ANKS1B: variants seen among roughly 807,000 people sequenced by gnomAD.
ANKS1B encodes the protein ankyrin repeat and sterile alpha motif domain containing 1B.
Under a neutral mutation model 148.3 loss-of-function variants are expected in ANKS1B, and 36 were observed. The ratio of observed to expected loss-of-function variants is 0.24; its 90% confidence interval spans 0.19 to 0.32. ANKS1B has a LOEUF of 0.32. Ranked by LOEUF, ANKS1B falls within the 10% of genes least tolerant of loss-of-function variation. The pLI, the probability that ANKS1B is intolerant of heterozygous loss-of-function variation, is 1.00. For missense variants in ANKS1B, 1,157 were observed against 1,542.6 expected (o/e 0.75, Z 4.19); for synonymous variants, 542 against 560.8 (o/e 0.97, Z 0.47).
At chr12:99,848,445 G>A (rs2087083875) in intron 1 of ANKS1B, among the ~76,000 whole-genome samples, 1 of 152,128 alleles carries the variant, frequency 6.6e-6, no homozygotes, top group African/African-American at 2.4e-5. Context: ...CAAGTGGACA[G>A]GACCAACAAA....
chr12:99,026,833 T>A (rs1291477164), intron 17 of ANKS1B, among the ~76,000 whole-genome samples: 1 of 151,832 alleles, frequency 6.6e-6, no homozygotes, highest in African/African-American at 2.4e-5. Flanking sequence ...GAGGGATGAA[T>A]TTGCATAACA....
chr12:98,884,854 A>C (rs2099735658), intron 17 of ANKS1B, among the ~76,000 whole-genome samples: 1 of 151,594 alleles, frequency 6.6e-6, no homozygotes, highest in African/African-American at 2.4e-5. Context: ...AGTCTCTCAG[A>C]TGTGTATCTA....
At chr12:98,787,313 C>T (rs1011508218) in intron 22 of ANKS1B, among the ~76,000 whole-genome samples, 2 of 152,198 alleles carry the variant, frequency 1.3e-5, no homozygotes, top group African/African-American at 4.8e-5. Flanking sequence ...GTCTCCCAGG[C>T]TGACAGGATG....
chr12:99,239,319 T>G (rs2088736994), intron 14 of ANKS1B, among the ~76,000 whole-genome samples: 1 of 152,046 alleles, frequency 6.6e-6, no homozygotes. Context: ...AGGATAACAG[T>G]GATGGAAGAT....
chr12:99,312,110 A>C (rs560693275), intron 12 of ANKS1B, among the ~76,000 whole-genome samples: 3 of 152,302 alleles, frequency 2.0e-5, no homozygotes, highest in South Asian at 4.1e-4. Flanking sequence ...GCAGAAAGCT[A>C]TCTAGGTTAA....
intron 17 of ANKS1B, among the ~76,000 whole-genome samples, chr12:98,935,148 ATTTC>A (rs2099817332): frequency 6.6e-6 from 1 of 151,962 alleles, no homozygotes; most frequent in Non-Finnish European, 1.5e-5. Flanking sequence ...TGTTGAAGTA[ATTTC>A]TTTCTGTTTC....
chr12:99,749,009 T>C (rs1478454929), intron 8 of ANKS1B, among the ~76,000 whole-genome samples: 2 of 152,112 alleles, frequency 1.3e-5, no homozygotes, highest in Non-Finnish European at 2.9e-5. Context: ...CTAAGCTCCC[T>C]CCATCAGCAA....
At chr12:99,925,432 A>T (rs997597301) in intron 1 of ANKS1B, among the ~76,000 whole-genome samples, 34 of 152,348 alleles carry the variant, frequency 2.2e-4, no homozygotes, top group African/African-American at 8.2e-4. Flanking sequence ...AGAATAAAAA[A>T]GTCTCCCTGA....
intron 15 of ANKS1B, among the ~76,000 whole-genome samples, chr12:99,117,297 C>T (rs2061644790): frequency 6.6e-6 from 1 of 152,148 alleles, no homozygotes; most frequent in Non-Finnish European, 1.5e-5. Context: ...GGGAATGCTT[C>T]CAGTTTTTGC....
intron 17 of ANKS1B, among the ~76,000 whole-genome samples, chr12:98,844,158 G>A (rs777034942): frequency 6.6e-6 from 1 of 152,072 alleles, no homozygotes; most frequent in Non-Finnish European, 1.5e-5. Flanking sequence ...GTTGGTACTG[G>A]CATTTACTCT....
In ANKS1B at chr12:99,455,733, CAA is replaced by C. The variant is rs149827725; in HGVS notation, c.1439-11926_1439-11925del. The stretch of plus-strand genomic sequence containing the variant: ...TATAACTCCATTGGCCTGGGAACTG[CAA>C]CCCCACCCCCAACAGTAGCCACAGC... On this transcript the variant is annotated intron_variant, in intron 10 of 26. Transcript: ENST00000683438. Among the ~76,000 whole-genome samples, 436 of 152,178 alleles carry C rather than the reference CAA, an allele frequency of 2.9e-3. 4 individuals are homozygous for C. The highest frequency in any genetic ancestry group is 0.01 in the African/African-American group (423 of 41,508).
chr12:99,160,177 C>CT (rs2076501366), intron 14 of ANKS1B, among the ~76,000 whole-genome samples: 1 of 152,100 alleles, frequency 6.6e-6, no homozygotes, highest in Non-Finnish European at 1.5e-5. Flanking sequence ...TGTAGGTTAT[C>CT]TTTTTACTCT....
intron 1 of ANKS1B, among the ~76,000 whole-genome samples, chr12:99,876,497 C>T (rs1020867818): frequency 5.9e-5 from 9 of 151,854 alleles, no homozygotes; most frequent in African/African-American, 2.2e-4. Flanking sequence ...CCGAGGCAGG[C>T]GTATCATTTG....
intron 9 of ANKS1B, among the ~76,000 whole-genome samples, chr12:99,603,806 T>A (rs1022096457): frequency 6.6e-6 from 1 of 152,116 alleles, no homozygotes; most frequent in Non-Finnish European, 1.5e-5. Context: ...CAGAAAACTT[T>A]CAAATAAAAA....
intron 1 of ANKS1B, among the ~76,000 whole-genome samples, chr12:99,959,855 T>C (rs998366789): frequency 1.3e-5 from 2 of 152,158 alleles, no homozygotes; most frequent in African/African-American, 4.8e-5. Flanking sequence ...TATAAAGGAC[T>C]AAAAGTCAAT....
At chr12:99,761,342 T>C (rs1043405170) in intron 8 of ANKS1B, among the ~76,000 whole-genome samples, 8 of 151,554 alleles carry the variant, frequency 5.3e-5, no homozygotes, top group Non-Finnish European at 8.9e-5. Context: ...CATCAAAAAC[T>C]TACGACGATG....
chr12:99,840,206 T>A (rs1443003641), intron 1 of ANKS1B, among the ~76,000 whole-genome samples: 1 of 152,102 alleles, frequency 6.6e-6, no homozygotes, highest in Non-Finnish European at 1.5e-5. Flanking sequence ...AGGAAGCCTC[T>A]GGGATAATAG....
rs1403544167 is a variant in ANKS1B at position 99,246,418 on chromosome 12, C to T, written c.2203G>A (p.Val735Ile). Residue 735 changes from valine to isoleucine, a missense_variant, in exon 13 of 27, where the codon GTC becomes ATC. Val to Ile is a conservative substitution (Grantham distance 29). This residue lies in a region of ANKS1B where 661 missense variants were observed against 642.1 expected (regional missense o/e 1.03). Coordinates refer to ENST00000683438, the MANE Select transcript of ANKS1B (RefSeq NM_001352186.2). Reference protein sequence around the residue: ...ALIDMHLSKSVSKSDSDLIAY... With the variant: ...ALIDMHLSKSISKSDSDLIAY... ...ATGAGATCAGAATCAGATTTAGAGA[C>T]ACTTTTTGACAAATGCATGTCGATC... is the stretch of plus-strand genomic sequence containing the variant. The T allele has an allele frequency of 1.9e-6, 3 of 1,613,910 alleles. No individual in the cohort carries two copies. Among genetic ancestry groups the T allele is most frequent in the Admixed American group, 1.7e-5 (1 of 60,002 alleles).
chr12:99,510,436 A>G (rs1296651421), intron 9 of ANKS1B, among the ~76,000 whole-genome samples: 1 of 152,082 alleles, frequency 6.6e-6, no homozygotes, highest in East Asian at 1.9e-4. Flanking sequence ...GTTGACTCCA[A>G]CCCTCAGGGA....
Sources: allele counts gnomAD v4.1 joint callset (sites outside exome capture counted in the v4.1 genomes callset), GRCh38; gene constraint gnomAD v4.1.1; regional missense constraint gnomAD v4.1.1; transcripts MANE v1.5; gene names NCBI Gene and HGNC (gene_info 2026-07-23, HGNC 2026-07-21).